The following TMEM135 variants were observed in gnomAD, a reference collection of about 807,000 sequenced individuals.
The protein encoded by TMEM135 is peroxisomal membrane protein 52.
A neutral mutation model predicts 60.3 loss-of-function variants in TMEM135; 30 were observed. The observed-to-expected ratio is 0.50, with a 90% confidence interval of 0.37 to 0.68. TMEM135 has a LOEUF of 0.68. TMEM135 is among the 30% of genes least tolerant of loss of function. TMEM135 has a pLI of 0.00. For synonymous variants in TMEM135, 190 were observed against 186.7 expected, an observed-to-expected ratio of 1.02 and a Z score of -0.14; for missense variants, 468 against 548.8, an observed-to-expected ratio of 0.85 and a Z score of 1.47.
At chr11:87,073,707 G>A (rs749582591) in intron 3 of TMEM135, among the ~76,000 whole-genome samples, 8 of 150,392 alleles carry the variant, frequency 5.3e-5, no homozygotes, top group African/African-American at 2.0e-4. Flanking sequence ...TCGCTCTGTT[G>A]CCCAGGCTGG....
At chr11:87,176,553 G>T (rs1435404198) in intron 5 of TMEM135, among the ~76,000 whole-genome samples, 1 of 152,174 alleles carries the variant, frequency 6.6e-6, no homozygotes, top group East Asian at 1.9e-4. Context: ...GGTCAGAACA[G>T]AGAAGATTTG....
chr11:87,252,455 A>G (rs190508952), intron 6 of TMEM135, among the ~76,000 whole-genome samples: 2 of 152,336 alleles, frequency 1.3e-5, no homozygotes, highest in Admixed American at 1.3e-4. Context: ...GGTCTTTCTT[A>G]AAAGATAATT....
At chr11:87,095,022 G>T in intron 4 of TMEM135, 2 of 183,266 alleles carry the variant, frequency 1.1e-5, no homozygotes, top group East Asian at 1.3e-4. Flanking sequence ...TTGTTCCCGG[G>T]GGTGTTCAAT....
intron 4 of TMEM135, among the ~76,000 whole-genome samples, chr11:87,154,108 T>C (rs1938629847): frequency 6.6e-6 from 1 of 152,178 alleles, no homozygotes; most frequent in South Asian, 2.1e-4. Context: ...AAACTGAAAC[T>C]CTATGTCCAT....
At chr11:87,120,221 T>C (rs1336588698) in intron 4 of TMEM135, among the ~76,000 whole-genome samples, 1 of 150,016 alleles carries the variant, frequency 6.7e-6, no homozygotes, top group African/African-American at 2.4e-5. Context: ...CAAGCCATCC[T>C]CCTGAGTAGC....
At chr11:87,084,906 A>G (rs1189650703) in intron 3 of TMEM135, among the ~76,000 whole-genome samples, 1 of 152,210 alleles carries the variant, frequency 6.6e-6, no homozygotes, top group Non-Finnish European at 1.5e-5. Context: ...GGCCTATGCC[A>G]TCATCTGTTC....
chr11:87,117,198 A>G (rs1188146016), intron 4 of TMEM135, among the ~76,000 whole-genome samples: 1 of 152,186 alleles, frequency 6.6e-6, no homozygotes, highest in Non-Finnish European at 1.5e-5. Flanking sequence ...GATATCAGGA[A>G]TGATCAGGAA....
intron 5 of TMEM135, among the ~76,000 whole-genome samples, chr11:87,163,301 T>G (rs1330968875): frequency 6.9e-6 from 1 of 144,572 alleles, no homozygotes; most frequent in Non-Finnish European, 1.5e-5. Context: ...GGTTTTTTGT[T>G]CTTGCGATAG....
chr11:87,173,669 C>T (rs528979663), intron 5 of TMEM135, among the ~76,000 whole-genome samples: 10 of 152,232 alleles, frequency 6.6e-5, no homozygotes, highest in African/African-American at 2.4e-4. Flanking sequence ...TATTTTATTA[C>T]ATATGTTGTA....
chr11:87,112,734 C>T (rs758359529), intron 4 of TMEM135, among the ~76,000 whole-genome samples: 4 of 151,850 alleles, frequency 2.6e-5, no homozygotes, highest in Non-Finnish European at 2.9e-5. Context: ...GGAAGAAAAT[C>T]GTGTAGGGCT....
intron 3 of TMEM135, among the ~76,000 whole-genome samples, chr11:87,073,801 G>A (rs1052694976): frequency 6.6e-6 from 1 of 151,902 alleles, no homozygotes; most frequent in African/African-American, 2.4e-5. Flanking sequence ...CCATGTAGCT[G>A]GGATTACAGG....
chr11:87,091,482 A>G, intron 4 of TMEM135, 87 bp downstream of exon 4: 1 of 1,300,282 alleles, frequency 7.7e-7, no homozygotes, highest in South Asian at 1.2e-5. Context: ...AAAAGAGGAA[A>G]GCCACTTGTA....
chr11:87,268,255 A>ATATTTACTTATT (rs1554982608), intron 6 of TMEM135, among the ~76,000 whole-genome samples: 1 of 136,874 alleles, frequency 7.3e-6, no homozygotes, highest in African/African-American at 2.7e-5. Context: ...CCACACCTAG[A>ATATTTACTTATT]TATTTATTTA....
rs564583798 is a variant in TMEM135 at position 87,183,950 on chromosome 11, C to T, written c.462+26544C>T. ...CAACTTGGGCAACAGAGCCAGACTT[C>T]GTCGCAAAAAAAAAAAAAAAAAAAA... On this transcript the variant is annotated intron_variant, in intron 5 of 14. Coordinates refer to ENST00000305494, the MANE Select transcript of TMEM135 (RefSeq NM_022918.4). 3.3e-3 allele frequency among the ~76,000 whole-genome samples: 226 copies of T among 68,846 alleles called. 2 individuals carry two copies. The highest frequency in any genetic ancestry group is 0.013 in the African/African-American group (214 of 16,772). The allele number at this position is 68,846 out of a possible 152,430, so 45.2% of individuals were successfully genotyped here.
chr11:87,139,894 A>G (rs937439260), intron 4 of TMEM135, among the ~76,000 whole-genome samples: 3 of 152,144 alleles, frequency 2.0e-5, no homozygotes, highest in South Asian at 2.1e-4. Context: ...TATATGATAT[A>G]TGTAGATTTT....
intron 6 of TMEM135, among the ~76,000 whole-genome samples, chr11:87,247,312 C>G (rs1941303892): frequency 6.6e-6 from 1 of 152,142 alleles, no homozygotes; most frequent in African/African-American, 2.4e-5. Context: ...GGTCAGGGAC[C>G]CACTTAAGGA....
chr11:87,317,977 G>C (rs561494587), intron 12 of TMEM135, among the ~76,000 whole-genome samples, 160 bp from the exon 13 acceptor site: 1 of 152,076 alleles, frequency 6.6e-6, no homozygotes, highest in African/African-American at 2.4e-5. Context: ...GGAAAGGGAA[G>C]GGCTGACCCT....
chr11:87,207,965 G>A (rs992343145), intron 5 of TMEM135, among the ~76,000 whole-genome samples: 1 of 151,930 alleles, frequency 6.6e-6, no homozygotes, highest in Non-Finnish European at 1.5e-5. Context: ...GGAGTGTGGA[G>A]CTCAGCCTTG....
chr11:87,080,067 C>G (rs373104122), intron 3 of TMEM135, among the ~76,000 whole-genome samples: 1 of 151,424 alleles, frequency 6.6e-6, no homozygotes. Context: ...GTCTCGAACT[C>G]CTGACCTCGT....
Sources: allele counts gnomAD v4.1 joint callset (sites outside exome capture counted in the v4.1 genomes callset), GRCh38; gene constraint gnomAD v4.1.1; transcripts MANE v1.5; gene names NCBI Gene and HGNC (gene_info 2026-07-23, HGNC 2026-07-21).